The following CUL5 variants were observed in gnomAD, a reference collection of about 807,000 sequenced individuals.
The protein encoded by CUL5 is cullin-5.
Under a neutral mutation model 108.8 loss-of-function variants are expected in CUL5, and 26 were observed. The observed-to-expected ratio is 0.24, with a 90% confidence interval of 0.18 to 0.33. The LOEUF (loss-of-function observed/expected upper bound fraction) is 0.33, where lower values mean the gene tolerates loss of function less well. Among genes scored for constraint, CUL5 ranks in the 10% least tolerant of loss-of-function variants. The pLI, the probability that CUL5 is intolerant of heterozygous loss-of-function variation, is 1.00. For missense variants in CUL5, 524 were observed against 909.2 expected, an observed-to-expected ratio of 0.58 and a Z score of 5.45; for synonymous variants, 334 against 298.0, an observed-to-expected ratio of 1.12 and a Z score of -1.25.
At chr11:108,090,086 T>C (rs1864314230) in intron 13 of CUL5, among the ~76,000 whole-genome samples, 1 of 151,966 alleles carries the variant, frequency 6.6e-6, no homozygotes, top group Admixed American at 6.6e-5. Context: ...AAGTGATATC[T>C]AATAAATGTT....
chr11:108,009,425 C>T, intron 1 of CUL5, 53 bp downstream of exon 1: 1 of 1,601,684 alleles, frequency 6.2e-7, no homozygotes, highest in Non-Finnish European at 8.5e-7. Flanking sequence ...GGGTTCGGCT[C>T]TTTGGGAAAG....
At chr11:108,104,091 G>A (rs946137256) in intron 18 of CUL5, 99 bp from the exon 19 acceptor site, 10 of 675,088 alleles carry the variant, frequency 1.5e-5, no homozygotes, top group South Asian at 9.9e-5. Flanking sequence ...GGTAGATGTT[G>A]GATAGAGGAT....
At chr11:108,041,611 A>G (rs1270381330) in intron 2 of CUL5, among the ~76,000 whole-genome samples, 1 of 132,682 alleles carries the variant, frequency 7.5e-6, no homozygotes, top group Non-Finnish European at 1.6e-5. Flanking sequence ...TCTTTTTTAG[A>G]CAAAGTTTTG....
intron 7 of CUL5, among the ~76,000 whole-genome samples, chr11:108,065,027 T>C (rs1287919183): frequency 6.6e-6 from 1 of 151,986 alleles, no homozygotes; most frequent in African/African-American, 2.4e-5. Context: ...ATTTAATTAA[T>C]TAATTAATTT....
chr11:108,046,178 G>A, intron 2 of CUL5, 92 bp from the exon 3 acceptor site: 2 of 837,036 alleles, frequency 2.4e-6, no homozygotes, highest in Middle Eastern at 2.5e-4. Flanking sequence ...TTCTAATATG[G>A]CCCATGGAAA....
At chr11:108,034,176 G>C (rs1862667008) in intron 2 of CUL5, among the ~76,000 whole-genome samples, 1 of 152,216 alleles carries the variant, frequency 6.6e-6, no homozygotes, top group South Asian at 2.1e-4. Context: ...AGGTACATGG[G>C]GTGAAGTGCA....
At chr11:108,040,231 A>G (rs561431435) in intron 2 of CUL5, among the ~76,000 whole-genome samples, 69 of 152,254 alleles carry the variant, frequency 4.5e-4, no homozygotes, top group African/African-American at 1.6e-3. Flanking sequence ...TGTAATCCCA[A>G]CACTTTGGGA....
At chr11:108,080,183 A>C (rs1591321542) in intron 11 of CUL5, among the ~76,000 whole-genome samples, 2 of 142,058 alleles carry the variant, frequency 1.4e-5, no homozygotes, top group African/African-American at 2.6e-5. Flanking sequence ...TGCAGCCTCC[A>C]CCTCCTGGGC....
intron 10 of CUL5, among the ~76,000 whole-genome samples, chr11:108,075,421 CTT>C (rs1863919132): frequency 6.6e-6 from 1 of 152,116 alleles, no homozygotes; most frequent in East Asian, 1.9e-4. Context: ...AAAAACAGCT[CTT>C]TGGGTGCATG....
At chr11:108,025,692 G>T (rs566821729) in intron 1 of CUL5, among the ~76,000 whole-genome samples, 1 of 152,144 alleles carries the variant, frequency 6.6e-6, no homozygotes, top group East Asian at 1.9e-4. Flanking sequence ...TCTTTCCCCA[G>T]TCTCTTACAG....
chr11:108,081,250 T>TAC (rs1271689961), intron 11 of CUL5, among the ~76,000 whole-genome samples: 6 of 151,970 alleles, frequency 3.9e-5, no homozygotes, highest in African/African-American at 1.5e-4. Context: ...ATCGTGCCAT[T>TAC]ACACTCCAGC....
chr11:108,070,013 C>T, intron 7 of CUL5, 83 bp from the exon 8 acceptor site: 3 of 827,610 alleles, frequency 3.6e-6, no homozygotes, highest in Non-Finnish European at 3.8e-6. Context: ...TTTTGTTGAA[C>T]AATATTGTTT....
At position 108,083,614 on chromosome 11, in the gene CUL5, G is replaced by A. The variant is rs575811657; in HGVS notation, c.1179-4913G>A. Among the ~76,000 whole-genome samples, 10 of 152,326 alleles carry A rather than the reference G, an allele frequency of 6.6e-5. No individual in the cohort carries two copies. The East Asian group carries it at 1.9e-3, about 29-fold the overall frequency. ...AAGACCAGTCAGGGCAATGTAGTGA[G>A]ACCCATCTCTACAAAATGTTTTAAA... On this transcript the variant is annotated intron_variant, in intron 11 of 18. Transcript: ENST00000393094.
intron 7 of CUL5, among the ~76,000 whole-genome samples, chr11:108,056,375 G>A (rs1320420493): frequency 6.6e-6 from 1 of 152,012 alleles, no homozygotes; most frequent in Non-Finnish European, 1.5e-5. Context: ...CTTTGGCTTT[G>A]TCCATCTTAA....
intron 4 of CUL5, among the ~76,000 whole-genome samples, chr11:108,050,704 G>T (rs150415122): frequency 1.0e-3 from 155 of 152,212 alleles, no homozygotes; most frequent in Admixed American, 2.0e-3. Flanking sequence ...TTTTCTCCCT[G>T]TCTCAAAAAT....
At chr11:108,025,335 G>C (rs1177916488) in intron 1 of CUL5, among the ~76,000 whole-genome samples, 1 of 151,898 alleles carries the variant, frequency 6.6e-6, no homozygotes, top group Non-Finnish European at 1.5e-5. Context: ...TTGCATGCTT[G>C]GTAGTTTTTA....
intron 4 of CUL5, among the ~76,000 whole-genome samples, chr11:108,051,145 A>G (rs1863210706): frequency 6.6e-6 from 1 of 152,194 alleles, no homozygotes; most frequent in African/African-American, 2.4e-5. Flanking sequence ...GATACTGTAA[A>G]TTTAGATACC....
At chr11:108,080,483 C>T (rs1864051709) in intron 11 of CUL5, among the ~76,000 whole-genome samples, 1 of 152,096 alleles carries the variant, frequency 6.6e-6, no homozygotes, top group African/African-American at 2.4e-5. Flanking sequence ...GCAACATCCA[C>T]CTCGTGGGTT....
chr11:108,030,541 G>T (rs1050193371), intron 1 of CUL5, among the ~76,000 whole-genome samples: 1 of 152,200 alleles, frequency 6.6e-6, no homozygotes, highest in Admixed American at 6.5e-5. Context: ...GGAAGCTGAG[G>T]CAGGAGAATC....
Sources: allele counts gnomAD v4.1 joint callset (sites outside exome capture counted in the v4.1 genomes callset), GRCh38; gene constraint gnomAD v4.1.1; transcripts MANE v1.5; gene names NCBI Gene and HGNC (gene_info 2026-07-23, HGNC 2026-07-21).